Variants in NAXE observed in about 807,000 individuals in gnomAD.
The protein encoded by NAXE is NAD(P)HX epimerase, also known as NAD(P)H-hydrate epimerase.
In NAXE, 25 loss-of-function variants were observed where a neutral mutation model predicts 31.2. The observed-to-expected ratio is 0.80, with a 90% CI of 0.58 to 1.12. NAXE has a LOEUF of 1.12. NAXE is among the 50% of genes most tolerant of loss of function. NAXE has a pLI of 0.00. For synonymous variants in NAXE, 144 were observed against 154.5 expected, an observed-to-expected ratio of 0.93 and a Z score of 0.50; for missense variants, 362 against 376.1, an observed-to-expected ratio of 0.96 and a Z score of 0.31.
At position 156,592,993 on chromosome 1, in the gene NAXE, C is replaced by G. The variant is rs1677380006; in HGVS notation, c.516+323C>G. ...CCGGAGTGGCTGCCCTATCTGAAAC[C>G]CTTCCTGCAGATGCATGGATTAAGG... On this transcript the variant is annotated intron_variant, in intron 4 of 5. Transcript: ENST00000368235. 1.7e-5 allele frequency: 7 copies of G among 413,110 alleles called. No individual in the cohort carries two copies. In the South Asian group the frequency reaches 2.6e-4, roughly 15 times the overall value. 25.6% of individuals were successfully genotyped at this position (413,110 alleles called of 1,614,324 possible).
chr1:156,592,910 C>T (rs1677376825), intron 4 of NAXE: 1 of 543,488 alleles, frequency 1.8e-6, no homozygotes, highest in Non-Finnish European at 3.3e-6. Flanking sequence ...TCCTTCCACT[C>T]TGTAGTCAGA....
At chr1:156,593,035 A>G in intron 4 of NAXE, 1 of 379,872 alleles carries the variant, frequency 2.6e-6, no homozygotes, top group Non-Finnish European at 4.8e-6. Context: ...AAATTGGGTA[A>G]TTTTTTTCCT....
chr1:156,592,000 T>C lies in NAXE; in HGVS notation c.182+14T>C, dbSNP rs200349904. ...GAAGTACCTGAGGTAGGCACGGGTC[T>C]CGGGTGGCCTGCTCTGCCCCGGGGC... On this transcript the variant is annotated intron_variant, in intron 1 of 5. Transcript: ENST00000368235. 7.6e-4 allele frequency: 1,233 copies of C among 1,613,366 alleles called. 4 individuals are homozygous for C. In the African/African-American group the frequency reaches 0.014, roughly 19 times the overall value.
At chr1:156,592,512 G>A (rs754117208) in intron 3 of NAXE, 37 bp downstream of exon 3, 4 of 1,613,276 alleles carry the variant, frequency 2.5e-6, no homozygotes, top group Non-Finnish European at 3.4e-6. Context: ...GGAGGAGGGC[G>A]TGAGGGCTCT....
rs751368287 is a variant in NAXE at position 156,594,117 on chromosome 1, A to C, written c.*33A>C. 2 of 1,602,968 alleles carry C rather than the reference A, an allele frequency of 1.2e-6. No homozygotes were observed. The highest frequency in any genetic ancestry group is 2.7e-5 in the African/African-American group (2 of 74,660). ...TGGGTGGGTATTCTTCCCAATAAAG[A>C]CTTAGAGCCCCTCTCTTCCAGAACT... On this transcript the variant is annotated 3_prime_UTR_variant, in exon 6 of 6. Coordinates refer to ENST00000368235, the MANE Select transcript of NAXE (RefSeq NM_144772.3).
intron 4 of NAXE, chr1:156,593,103 C>A: frequency 2.3e-6 from 1 of 435,182 alleles, no homozygotes; most frequent in Non-Finnish European, 4.1e-6. Flanking sequence ...CTTAAAGTCA[C>A]TAAATTGTAT....
intron 3 of NAXE, 26 bp from the exon 4 acceptor site, chr1:156,592,531 G>A: frequency 2.5e-6 from 4 of 1,613,580 alleles, no homozygotes; most frequent in Non-Finnish European, 3.4e-6. Context: ...CTGGGATCTG[G>A]GGTTGAATTA....
chr1:156,593,437 G>A lies in NAXE; in HGVS notation c.546G>A (p.Leu182=). ...EPMTIDELYE[L]VVDAIFGFSF... is the part of the protein sequence containing the mutation. ...TGACGATTGATGAACTGTATGAGCT[G>A]GTGGTGGATGCCATCTTTGGCTTCA... Residue 182 remains leucine, a synonymous_variant, in exon 5 of 6, where the codon CTG becomes CTA. Transcript: ENST00000368235. 4.3e-6 allele frequency: 7 copies of A among 1,614,204 alleles called. No homozygotes were observed. Among genetic ancestry groups the A allele is most frequent in the Non-Finnish European group, 5.9e-6 (7 of 1,180,024 alleles).
chr1:156,593,625 T>G, intron 5 of NAXE, 70 bp downstream of exon 5: 2 of 1,594,616 alleles, frequency 1.3e-6, no homozygotes, highest in Non-Finnish European at 1.7e-6. Flanking sequence ...CCACACCAGG[T>G]CTAAAATAAT....
At position 156,592,623 on chromosome 1, in the gene NAXE, CAG is replaced by C. The variant is rs1677363602; in HGVS notation, c.470_471del (p.Gln157LeufsTer20). 1.9e-6 allele frequency: 3 copies of C among 1,614,072 alleles called. No individual in the cohort carries two copies. The Admixed American group carries it at 5.0e-5, about 27-fold the overall frequency. On this transcript the variant is annotated frameshift_variant, in exon 4 of 6. Coordinates refer to ENST00000368235, the MANE Select transcript of NAXE (RefSeq NM_144772.3). LOFTEE classifies it high-confidence loss of function. The part of the protein sequence containing the change: ...NKPLFTALVT[Q>X]CQKMDIPFLG... Reference sequence around the variant, plus strand: ...GCCCCTCTTCACTGCATTGGTGACCCAGTGTCAGAAAATGGACATCCCTTTCC... The same window carrying C: ...GCCCCTCTTCACTGCATTGGTGACCCTGTCAGAAAATGGACATCCCTTTCC...
In NAXE at chr1:156,592,489, G is replaced by A. The variant is rs372189894; in HGVS notation, c.402+14G>A. ...CTCAAACTCTTTGTGAGTATGTGGG[G>A]AGGGGCTGTGGGGGAGGAGGGCGTG... On this transcript the variant is annotated intron_variant, in intron 3 of 5. Coordinates refer to ENST00000368235, the MANE Select transcript of NAXE (RefSeq NM_144772.3). 12 of 1,613,810 alleles carry A rather than the reference G, an allele frequency of 7.4e-6. No homozygotes were observed. Among genetic ancestry groups the A allele is most frequent in the Non-Finnish European group, 9.3e-6 (11 of 1,179,794 alleles).
At position 156,594,059 on chromosome 1, in the gene NAXE, C is replaced by G. The variant is rs116365278; in HGVS notation, c.842C>G (p.Thr281Ser). ...YQLNLPPYPD[T>S]ECVYRLQ The stretch of plus-strand genomic sequence containing the variant: ...CTGAACCTGCCACCCTACCCTGACA[C>G]CGAGTGTGTCTATCGTCTGCAGTGA... Residue 281 changes from threonine (T) to serine (S), a missense_variant, in exon 6 of 6, where the codon ACC (threonine) becomes AGC (serine). Transcript: ENST00000368235. The G allele has an allele frequency of 5.0e-5, 80 of 1,614,024 alleles. No homozygotes were observed. The highest frequency in any genetic ancestry group is 6.3e-5 in the Non-Finnish European group (74 of 1,180,002).
At chr1:156,592,512 G>C (rs754117208) in intron 3 of NAXE, 37 bp downstream of exon 3, 1 of 1,613,158 alleles carries the variant, frequency 6.2e-7, no homozygotes, top group African/African-American at 1.3e-5. Context: ...GGAGGAGGGC[G>C]TGAGGGCTCT....
chr1:156,591,798 G>C lies in NAXE; in HGVS notation c.-7G>C. On this transcript the variant is annotated 5_prime_UTR_variant, in exon 1 of 6. Transcript: ENST00000368235. ...GCCGGGCCGGGGGCGCGCGCTCTGC[G>C]AGCTGGATGTCCAGGCTGCGGGCGC... 3.8e-6 allele frequency: 6 copies of C among 1,560,338 alleles called. No individual in the cohort carries two copies. The highest frequency in any genetic ancestry group is 5.2e-6 in the Non-Finnish European group (6 of 1,161,220).
At chr1:156,593,289 G>C (rs1677393214) in intron 4 of NAXE, 119 bp from the exon 5 acceptor site, 2 of 1,338,800 alleles carry the variant, frequency 1.5e-6, no homozygotes, top group Non-Finnish European at 2.0e-6. Context: ...GCTGCCCTCT[G>C]AATGAGACAC....
rs1677329909 is a variant in NAXE at position 156,591,779 on chromosome 1, CCGGGGGCGCGCGCTCTG to C, written c.-23_-7del. The C allele has an allele frequency of 1.4e-6, 2 of 1,479,262 alleles. No individual in the cohort carries two copies. The highest frequency in any genetic ancestry group is 1.8e-6 in the Non-Finnish European group (2 of 1,121,352). The allele number at this position is 1,479,262 out of a possible 1,614,324, so 91.6% of individuals were successfully genotyped here. ...GCACATGCGCCGGGGCCGGGCCGGG[CCGGGGGCGCGCGCTCTG>C]CGAGCTGGATGTCCAGGCTGCGGGC... On this transcript the variant is annotated 5_prime_UTR_variant, in exon 1 of 6. Transcript: ENST00000368235.
Position 156,592,569 on chromosome 1 carries a change from A to G in NAXE, c.415A>G (p.Thr139Ala). 1 of 1,614,190 alleles carries G rather than the reference A, an allele frequency of 6.2e-7. No homozygotes were observed. The highest frequency in any genetic ancestry group is 8.5e-7 in the Non-Finnish European group (1 of 1,180,010). The change falls in exon 4 of 6, where the codon ACC becomes GCC. Residue 139 changes from threonine (T) to alanine (A), a missense_variant. By Grantham distance (58) the Thr-to-Ala change is moderately conservative (BLOSUM62 0). Coordinates refer to ENST00000368235, the MANE Select transcript of NAXE (RefSeq NM_144772.3). The stretch of plus-strand genomic sequence containing the variant: ...ACTTTCTTCCTAGGGCTACGAGCCA[A>G]CCATCTATTACCCCAAAAGGCCTAA... ...RHLKLFGYEP[T>A]IYYPKRPNKP...
Position 156,593,865 on chromosome 1 carries a change from C to T in NAXE, c.665-17C>T, listed in dbSNP as rs1282734740. The stretch of plus-strand genomic sequence containing the variant: ...ACGAGACATCTGGCCTCTTCCTGAA[C>T]ACCACCCTCTTTTCAGGATGGGACG... On this transcript the variant is annotated splice_polypyrimidine_tract_variant and intron_variant, in intron 5 of 5. Transcript: ENST00000368235. The T allele has an allele frequency of 1.2e-6, 2 of 1,612,746 alleles. No individual in the cohort carries two copies. The highest frequency in any genetic ancestry group is 1.1e-5 in the South Asian group (1 of 90,956).
At position 156,591,786 on chromosome 1, in the gene NAXE, C is replaced by CCGGGGG; in HGVS notation, c.-19_-18insCGGGGG. ...CGCCGGGGCCGGGCCGGGCCGGGGG[C>CCGGGGG]GCGCGCTCTGCGAGCTGGATGTCCA... On this transcript the variant is annotated 5_prime_UTR_variant, in exon 1 of 6. Coordinates refer to ENST00000368235, the MANE Select transcript of NAXE (RefSeq NM_144772.3). 1 of 1,350,220 alleles carries CCGGGGG rather than the reference C, an allele frequency of 7.4e-7. No homozygotes were observed. 83.6% of individuals were successfully genotyped at this position (1,350,220 alleles called of 1,614,324 possible).
Sources: allele counts gnomAD v4.1 joint callset, GRCh38; gene constraint gnomAD v4.1.1; transcripts MANE v1.5; gene names NCBI Gene and HGNC (gene_info 2026-07-23, HGNC 2026-07-21).